Variants in ABLIM1 observed in about 807,000 individuals in gnomAD.
The protein encoded by ABLIM1 is actin binding LIM protein 1.
In ABLIM1, 40 loss-of-function variants were observed where a neutral mutation model predicts 107.0. That is an observed-to-expected ratio of 0.37 (90% confidence interval 0.29 to 0.49). The LOEUF (loss-of-function observed/expected upper bound fraction) is 0.49, where lower values mean the gene tolerates loss of function less well. Among genes scored for constraint, ABLIM1 ranks in the 20% least tolerant of loss-of-function variants. The probability of loss-of-function intolerance (pLI) is 0.97; values close to 1 mark genes in which losing one functional copy is unlikely to be tolerated. For synonymous variants in ABLIM1, 357 were observed against 357.3 expected (o/e 1.00, Z 0.01); for missense variants, 857 against 1,008.5 (o/e 0.85, Z 2.04).
chr10:114,683,925 C>CA (rs1393560676), intron 1 of ABLIM1, among the ~76,000 whole-genome samples: 1 of 152,046 alleles, frequency 6.6e-6, no homozygotes, highest in Non-Finnish European at 1.5e-5. Flanking sequence ...CATCCAAACT[C>CA]AAACAAAATG....
chr10:114,448,377 C>G (rs994619881), intron 14 of ABLIM1, among the ~76,000 whole-genome samples: 3 of 152,190 alleles, frequency 2.0e-5, no homozygotes, highest in Admixed American at 2.0e-4. Flanking sequence ...TCAGTAGTCA[C>G]ATGTGATTAG....
intron 10 of ABLIM1, among the ~76,000 whole-genome samples, chr10:114,471,806 T>C (rs892945506): frequency 3.3e-5 from 5 of 152,234 alleles, no homozygotes; most frequent in South Asian, 2.1e-4. Flanking sequence ...AGATTGTTTA[T>C]ATTCTGTTTT....
chr10:114,680,006 T>C (rs1049669304), intron 1 of ABLIM1, among the ~76,000 whole-genome samples: 1 of 152,222 alleles, frequency 6.6e-6, no homozygotes, highest in African/African-American at 2.4e-5. Context: ...GAAAGCCTAT[T>C]CTTACATGAT....
intron 1 of ABLIM1, among the ~76,000 whole-genome samples, chr10:114,677,973 C>A (rs1248569386): frequency 6.6e-6 from 1 of 152,100 alleles, no homozygotes; most frequent in East Asian, 1.9e-4. Context: ...ATACAACTGA[C>A]AATAGAAAAA....
chr10:114,470,937 T>C (rs1261873888), intron 10 of ABLIM1, among the ~76,000 whole-genome samples: 1 of 152,048 alleles, frequency 6.6e-6, no homozygotes, highest in Non-Finnish European at 1.5e-5. Context: ...CAGGCCGGAG[T>C]ACAATGGCAT....
chr10:114,469,000 C>T (rs954263082), intron 10 of ABLIM1, among the ~76,000 whole-genome samples: 3 of 145,678 alleles, frequency 2.1e-5, no homozygotes, highest in East Asian at 2.0e-4. Flanking sequence ...TGCAGTGAGC[C>T]GAGATCACGC....
intron 6 of ABLIM1, among the ~76,000 whole-genome samples, chr10:114,524,593 C>T (rs547281398): frequency 6.6e-6 from 1 of 151,988 alleles, no homozygotes; most frequent in Admixed American, 6.6e-5. Context: ...ACAACAACAA[C>T]AACAAAAAAC....
chr10:114,741,966 G>A (rs936490790), intron 1 of ABLIM1, among the ~76,000 whole-genome samples: 6 of 152,208 alleles, frequency 3.9e-5, no homozygotes, highest in African/African-American at 7.2e-5. Flanking sequence ...TTCTAGAGAC[G>A]TGGAGAGCTG....
In ABLIM1 at chr10:114,445,397, T is replaced by C. The variant is rs768395853; in HGVS notation, c.1742A>G (p.Asp581Gly). 4.4e-5 allele frequency: 71 copies of C among 1,613,988 alleles called. No homozygotes were observed. The highest frequency in any genetic ancestry group is 5.8e-5 in the Non-Finnish European group (68 of 1,179,954). The part of the protein sequence containing the change: ...GPPSFAVVGP[D>G]MKRRSSGREE... ...TCTGCCACTAGATCTGCGTTTCATG[T>C]CAGGTCCTAATTCCACAGCAAAGAC... Residue 581 changes from aspartate to glycine, a missense_variant, in exon 16 of 23, where the codon GAC becomes GGC. Transcript: ENST00000533213.
intron 1 of ABLIM1, among the ~76,000 whole-genome samples, chr10:114,655,352 G>A (rs974445410): frequency 1.3e-5 from 2 of 152,190 alleles, no homozygotes; most frequent in African/African-American, 4.8e-5. Context: ...GGAATCTGCT[G>A]ATAAGTCATT....
At chr10:114,735,544 A>G (rs1160476496) in intron 1 of ABLIM1, among the ~76,000 whole-genome samples, 1 of 152,192 alleles carries the variant, frequency 6.6e-6, no homozygotes, top group African/African-American at 2.4e-5. Context: ...ATCTCGGCTC[A>G]CTGCAACCTC....
chr10:114,674,777 T>C (rs1246224695), intron 1 of ABLIM1, among the ~76,000 whole-genome samples: 1 of 151,506 alleles, frequency 6.6e-6, no homozygotes, highest in Non-Finnish European at 1.5e-5. Flanking sequence ...AGGGACACTG[T>C]TAAACCTTCA....
At chr10:114,526,503 T>C in intron 6 of ABLIM1, 1 of 350,460 alleles carries the variant, frequency 2.9e-6, no homozygotes, top group Non-Finnish European at 4.0e-6. Context: ...TTTACATAAA[T>C]GTATGTCAGG....
chr10:114,654,373 C>T (rs575099102), intron 1 of ABLIM1, among the ~76,000 whole-genome samples: 1 of 152,282 alleles, frequency 6.6e-6, no homozygotes, highest in South Asian at 2.1e-4. Flanking sequence ...TATTGCAATT[C>T]TATTATTATT....
upstream of ABLIM1, among the ~76,000 whole-genome samples, chr10:114,660,566 T>A (rs552870884): frequency 2.6e-5 from 4 of 152,238 alleles, no homozygotes; most frequent in South Asian, 6.2e-4. Flanking sequence ...AAGATGGAGA[T>A]CCCCGAGGGC....
At chr10:114,782,252 C>A in the ABLIM1 span, among the ~76,000 whole-genome samples, 2 of 152,066 alleles carry the variant, frequency 1.3e-5, no homozygotes, top group Non-Finnish European at 2.9e-5. Context: ...AATACTTTTT[C>A]ATTATTTATT....
At chr10:114,705,729 A>G (rs1399333837) in intron 1 of ABLIM1, among the ~76,000 whole-genome samples, 1 of 152,190 alleles carries the variant, frequency 6.6e-6, no homozygotes, top group African/African-American at 2.4e-5. Context: ...AGGTTAAGAA[A>G]CTGTATCCCT....
chr10:114,746,228 A>G (rs1366059994), intron 1 of ABLIM1, among the ~76,000 whole-genome samples: 1 of 152,144 alleles, frequency 6.6e-6, no homozygotes, highest in East Asian at 1.9e-4. Context: ...TTTGACTACT[A>G]TCATCTCCCC....
chr10:114,781,048 A>C, the ABLIM1 span, among the ~76,000 whole-genome samples: 1 of 152,182 alleles, frequency 6.6e-6, no homozygotes, highest in African/African-American at 2.4e-5. Context: ...CAACAGAATC[A>C]CTTCTCCTGA....
Sources: gnomAD v4.1 joint callset for allele counts (sites outside exome capture counted in the v4.1 genomes callset) on GRCh38, gnomAD v4.1.1 for gene constraint, MANE v1.5 for transcripts, NCBI Gene and HGNC (gene_info 2026-07-23, HGNC 2026-07-21) for gene names.